Variants in BMPR1A observed in about 807,000 individuals in gnomAD.
BMPR1A encodes bone morphogenetic protein receptor type 1A.
In BMPR1A, 7 loss-of-function variants were observed where a neutral mutation model predicts 66.0. The observed-to-expected ratio is 0.11, with a 90% CI of 0.06 to 0.20. BMPR1A has a LOEUF of 0.20. Ranked by LOEUF, BMPR1A falls within the 10% of genes least tolerant of loss-of-function variation. BMPR1A has a pLI of 1.00. For missense variants in BMPR1A, 408 were observed against 669.1 expected, an observed-to-expected ratio of 0.61 and a Z score of 4.31; for synonymous variants, 200 against 229.7, an observed-to-expected ratio of 0.87 and a Z score of 1.17.
At chr10:86,766,096 C>T (rs1179713237) in intron 1 of BMPR1A, among the ~76,000 whole-genome samples, 3 of 151,606 alleles carry the variant, frequency 2.0e-5, no homozygotes, top group Admixed American at 1.3e-4. Flanking sequence ...AAGCAATCCT[C>T]CCATCTCAGC....
intron 3 of BMPR1A, among the ~76,000 whole-genome samples, chr10:86,889,416 A>G (rs1843116567): frequency 6.6e-6 from 1 of 152,252 alleles, no homozygotes. Flanking sequence ...CCTTTTCCAC[A>G]TAGAGGCACA....
intron 1 of BMPR1A, among the ~76,000 whole-genome samples, chr10:86,797,072 T>TC (rs1841725674): frequency 6.9e-6 from 1 of 144,574 alleles, no homozygotes; most frequent in Non-Finnish European, 1.5e-5. Context: ...TCTTTTCTTT[T>TC]TTTTTTTTTT....
At chr10:86,837,247 C>CTTTG (rs1554883389) in intron 1 of BMPR1A, among the ~76,000 whole-genome samples, 2 of 138,106 alleles carry the variant, frequency 1.4e-5, no homozygotes, top group African/African-American at 2.7e-5. Context: ...GTGTGTGTGT[C>CTTTG]TGTGTGTGTG....
chr10:86,769,143 A>G (rs781459729), intron 1 of BMPR1A, among the ~76,000 whole-genome samples: 5 of 152,202 alleles, frequency 3.3e-5, no homozygotes, highest in Non-Finnish European at 7.4e-5. Flanking sequence ...TCTGTGTATC[A>G]TCAGTACTGG....
chr10:86,916,514 G>A (rs1843570268), intron 8 of BMPR1A, among the ~76,000 whole-genome samples: 3 of 152,194 alleles, frequency 2.0e-5, no homozygotes, highest in South Asian at 4.1e-4. Flanking sequence ...CTTGCATCAC[G>A]TTCGCTGTTG....
At chr10:86,821,270 T>C (rs1842116660) in intron 1 of BMPR1A, among the ~76,000 whole-genome samples, 1 of 152,202 alleles carries the variant, frequency 6.6e-6, no homozygotes, top group Non-Finnish European at 1.5e-5. Context: ...TTGAAAATAG[T>C]TATAACATTC....
At chr10:86,861,156 C>T (rs1214055808) in intron 2 of BMPR1A, among the ~76,000 whole-genome samples, 1 of 152,122 alleles carries the variant, frequency 6.6e-6, no homozygotes, top group Non-Finnish European at 1.5e-5. Context: ...CTTCTTACAA[C>T]ACCCTAAACC....
At position 86,830,065 on chromosome 10, in the gene BMPR1A, A is replaced by T. The variant is rs74747533; in HGVS notation, c.-267-8800A>T. 5.8e-4 allele frequency among the ~76,000 whole-genome samples: 88 copies of T among 152,274 alleles called. 1 individual carries two copies. The highest frequency in any genetic ancestry group is 2.0e-3 in the African/African-American group (85 of 41,576). ...GCGTGGCCTCAGTGCTGGATGTAGCATGGGGAAGTGGGAATTTGTAGCCAA... is the reference window on the plus strand; with the variant it reads ...GCGTGGCCTCAGTGCTGGATGTAGCTTGGGGAAGTGGGAATTTGTAGCCAA... On this transcript the variant is annotated intron_variant, in intron 1 of 12. Transcript: ENST00000372037.
intron 7 of BMPR1A, among the ~76,000 whole-genome samples, chr10:86,905,607 TACTC>T (rs775645510): frequency 2.2e-4 from 33 of 152,166 alleles, no homozygotes; most frequent in East Asian, 5.8e-4. Flanking sequence ...AGTGGATACT[TACTC>T]ACTCTTGTTG....
chr10:86,929,086 C>T (rs1843784597), downstream of BMPR1A: 2 of 151,672 alleles, frequency 1.3e-5, no homozygotes, highest in Admixed American at 1.3e-4. Flanking sequence ...GTGCTCAATC[C>T]CCTATTGAAT....
intron 2 of BMPR1A, among the ~76,000 whole-genome samples, chr10:86,864,530 C>T (rs1324495667): frequency 6.6e-6 from 1 of 152,208 alleles, no homozygotes; most frequent in Non-Finnish European, 1.5e-5. Context: ...GAGGCCTTGA[C>T]TTACTCACTG....
rs139493049 is a variant in BMPR1A, at chr10:86,832,602, A to G, written c.-267-6263A>G. On this transcript the variant is annotated intron_variant, in intron 1 of 12. Transcript: ENST00000372037. ...ATCACTGCCTTCTACCTCCTCATCT[A>G]GGCAACCACTGCTTATTTTCTGTCT... 2.4e-3 allele frequency among the ~76,000 whole-genome samples: 359 copies of G among 152,234 alleles called. 1 individual carries two copies. The highest frequency in any genetic ancestry group is 8.3e-3 in the African/African-American group (344 of 41,552).
At chr10:86,850,565 T>C (rs1842552939) in intron 2 of BMPR1A, among the ~76,000 whole-genome samples, 1 of 152,246 alleles carries the variant, frequency 6.6e-6, no homozygotes, top group African/African-American at 2.4e-5. Context: ...CTAGATTGGC[T>C]ACTTAAACCC....
intron 7 of BMPR1A, among the ~76,000 whole-genome samples, chr10:86,908,345 A>C (rs1037731332): frequency 3.9e-5 from 6 of 152,228 alleles, no homozygotes. Flanking sequence ...ATTATACATC[A>C]GTTTTAAAAA....
At chr10:86,889,057 A>G (rs1215363690) in intron 3 of BMPR1A, among the ~76,000 whole-genome samples, 1 of 152,098 alleles carries the variant, frequency 6.6e-6, no homozygotes, top group African/African-American at 2.4e-5. Flanking sequence ...GTTTGGTTCC[A>G]CCTTTCATTC....
At chr10:86,903,588 CTAT>C (rs754753773) in intron 7 of BMPR1A, among the ~76,000 whole-genome samples, 22 of 151,526 alleles carry the variant, frequency 1.5e-4, no homozygotes, top group Non-Finnish European at 2.6e-4. Context: ...TCAAATTTAT[CTAT>C]TATTATTATT....
At chr10:86,826,411 A>AACACACATACACACACACACACACACAC (rs71477611) in intron 1 of BMPR1A, among the ~76,000 whole-genome samples, 6 of 147,102 alleles carry the variant, frequency 4.1e-5, no homozygotes, top group African/African-American at 1.2e-4. Flanking sequence ...CAATCAAGGA[A>AACACACATACACACACACACACACACAC]ACACACACAC....
intron 1 of BMPR1A, among the ~76,000 whole-genome samples, chr10:86,760,224 TTTTCTTTCTTTC>T (rs578087418): frequency 1.1e-5 from 1 of 89,406 alleles, no homozygotes; most frequent in Non-Finnish European, 2.1e-5. Context: ...CCTTATTGTT[TTTTCTTTCTTTC>T]TTTCTTTCTT....
chr10:86,870,851 A>G (rs1237119633), intron 2 of BMPR1A, among the ~76,000 whole-genome samples: 4 of 151,784 alleles, frequency 2.6e-5, no homozygotes, highest in African/African-American at 9.7e-5. Context: ...CATTCTCCTA[A>G]ATTTCCACAA....
Sources: gnomAD v4.1 joint callset for allele counts (sites outside exome capture counted in the v4.1 genomes callset) on GRCh38, gnomAD v4.1.1 for gene constraint, MANE v1.5 for transcripts, NCBI Gene and HGNC (gene_info 2026-07-23, HGNC 2026-07-21) for gene names.